The following MMUT variants were observed in gnomAD, a reference collection of about 807,000 sequenced individuals.
MMUT encodes the protein methylmalonyl-CoA mutase.
Under a neutral mutation model 79.9 loss-of-function variants are expected in MMUT, and 79 were observed. That is an observed-to-expected ratio of 0.99 (90% confidence interval 0.82 to 1.19). The LOEUF (loss-of-function observed/expected upper bound fraction) is 1.19. MMUT is among the 50% of genes most tolerant of loss of function. The probability of loss-of-function intolerance (pLI) is 0.00; values close to 1 mark genes in which losing one functional copy is unlikely to be tolerated. For missense variants in MMUT, 860 were observed against 917.2 expected, an observed-to-expected ratio of 0.94 and a Z score of 0.81; for synonymous variants, 273 against 295.7, an observed-to-expected ratio of 0.92 and a Z score of 0.79.
rs748997051 is a variant in MMUT at position 49,447,818 on chromosome 6, A to C, written c.1445-33T>G. On this transcript the variant is annotated intron_variant, in intron 7 of 12. Coordinates refer to ENST00000274813, the MANE Select transcript of MMUT (RefSeq NM_000255.4). ...TTTCCCAAAGAAAAATTTTATTCAC[A>C]AATAATTACCTAATTGTAATGCTCT... The C allele has an allele frequency of 4.3e-6, 5 of 1,169,836 alleles. No homozygotes were observed. The South Asian group carries it at 6.1e-5, about 14-fold the overall frequency. The allele number at this position is 1,169,836 out of a possible 1,614,324, so 72.5% of individuals were successfully genotyped here. A position where few individuals can be genotyped will look rare whatever the true frequency, so the allele number is the denominator to read the frequency against.
chr6:49,453,059 T>TTTTTG (rs398048522), intron 5 of MMUT, among the ~76,000 whole-genome samples: 8 of 138,982 alleles, frequency 5.8e-5, no homozygotes, highest in African/African-American at 1.1e-4. Context: ...TTTTTTTTTT[T>TTTTTG]AGACGTAGTT....
Position 49,459,252 on chromosome 6 carries a change from A to G in MMUT, c.215T>C (p.Leu72Ser), listed in dbSNP as rs753913987. ...GTCCATAGTATCTCTCTTGGAATAC[A>G]AGGGTTTTATAGAGATCCCTTCCGG... is the stretch of plus-strand genomic sequence containing the variant. Reference protein sequence around the residue: ...HTPEGISIKPLYSKRDTMDLP... With the variant: ...HTPEGISIKPSYSKRDTMDLP... Residue 72 changes from leucine to serine, a missense_variant, in exon 2 of 13, where the codon TTG (leucine) becomes TCG (serine). Transcript: ENST00000274813. The G allele has an allele frequency of 1.2e-6, 2 of 1,614,038 alleles. No homozygotes were observed. Among genetic ancestry groups the G allele is most frequent in the African/African-American group, 2.7e-5 (2 of 74,918 alleles).
Position 49,456,237 on chromosome 6 carries a change from G to A in MMUT, c.754C>T (p.His252Tyr), listed in dbSNP as rs796052010. 2 of 1,602,596 alleles carry A rather than the reference G, an allele frequency of 1.2e-6. No homozygotes were observed. Among genetic ancestry groups the A allele is most frequent in the Non-Finnish European group, 1.7e-6 (2 of 1,170,556 alleles). The change falls in exon 4 of 13, where the codon CAC becomes TAC. Residue 252 changes from histidine (H) to tyrosine (Y), a missense_variant and splice_region_variant. Coordinates refer to ENST00000274813, the MANE Select transcript of MMUT (RefSeq NM_000255.4). ...GAAATTGAATTAAATTTTGGCATGT[G>A]CTACATAAAAAAAAAAATTGTAACA... ...IADIFEYTAK[H>Y]MPKFNSISIS...
intron 6 of MMUT, among the ~76,000 whole-genome samples, chr6:49,449,170 G>C (rs1407129891): frequency 6.6e-6 from 1 of 151,870 alleles, no homozygotes; most frequent in African/African-American, 2.4e-5. Context: ...TTAAGTCTTG[G>C]GAGAAAATTA....
chr6:49,437,555 C>T (rs1430244793), intron 11 of MMUT, among the ~76,000 whole-genome samples: 1 of 152,082 alleles, frequency 6.6e-6, no homozygotes, highest in African/African-American at 2.4e-5. Flanking sequence ...ACAAATGAGA[C>T]ACCATTTCAC....
intron 12 of MMUT, among the ~76,000 whole-genome samples, chr6:49,432,588 C>T (rs2127412363): frequency 6.6e-6 from 1 of 152,220 alleles, no homozygotes; most frequent in East Asian, 1.9e-4. Context: ...AGGGTTTCAC[C>T]ACGTTAGCCA....
At chr6:49,444,894 G>T (rs973850437) in intron 8 of MMUT, 140 bp from the exon 9 acceptor site, 10 of 602,842 alleles carry the variant, frequency 1.7e-5, no homozygotes, top group Admixed American at 3.0e-5. Flanking sequence ...AAATTGAAAA[G>T]AATAATATAT....
intron 1 of MMUT, among the ~76,000 whole-genome samples, chr6:49,460,461 A>G (rs1035030826): frequency 7.2e-5 from 11 of 152,212 alleles, no homozygotes; most frequent in African/African-American, 2.7e-4. Context: ...AAACTGCTCC[A>G]ACATTAGAGC....
At chr6:49,435,904 A>G (rs1338694683) in intron 11 of MMUT, among the ~76,000 whole-genome samples, 1 of 152,224 alleles carries the variant, frequency 6.6e-6, no homozygotes, top group Non-Finnish European at 1.5e-5. Flanking sequence ...CAAAGGTCTA[A>G]TACCTGCATC....
chr6:49,433,468 T>A (rs79114016), intron 12 of MMUT, among the ~76,000 whole-genome samples: 2,920 of 152,342 alleles, frequency 0.019, 107 homozygotes, highest in African/African-American at 0.066. Flanking sequence ...GCAACTTATC[T>A]GTTAGTTTGA....
rs1766959634 is a variant in MMUT at position 49,431,076 on chromosome 6, T to C, written c.*652A>G. The C allele has an allele frequency of 2.6e-5, 4 of 152,234 alleles. No homozygotes were observed. The highest frequency in any genetic ancestry group is 9.6e-5 in the African/African-American group (4 of 41,454). The allele number at this position is 152,234 out of a possible 1,614,324, so 9.4% of individuals were successfully genotyped here. A position where few individuals can be genotyped will look rare whatever the true frequency, so the allele number is the denominator to read the frequency against. The stretch of plus-strand genomic sequence containing the variant: ...TCATCAACATCCACTCTCCTTGGTC[T>C]TGAGCCAAGCCCAGAAATAACAAGG... On this transcript the variant is annotated 3_prime_UTR_variant, in exon 13 of 13. Transcript: ENST00000274813.
chr6:49,439,609 A>C (rs192132294), intron 11 of MMUT, among the ~76,000 whole-genome samples: 1 of 152,274 alleles, frequency 6.6e-6, no homozygotes, highest in Admixed American at 6.5e-5. Context: ...CAAATGAGGA[A>C]TGTGTTGCTT....
chr6:49,442,515 T>C (rs1026362231), intron 9 of MMUT, among the ~76,000 whole-genome samples: 4 of 152,058 alleles, frequency 2.6e-5, no homozygotes, highest in Non-Finnish European at 4.4e-5. Context: ...ATGCAGATGA[T>C]AAATAACTAA....
In MMUT at chr6:49,463,100, C is replaced by G. The variant is rs1323046198; in HGVS notation, c.-40+3G>C. On this transcript the variant is annotated splice_donor_region_variant and intron_variant, in intron 1 of 12. Coordinates refer to ENST00000274813, the MANE Select transcript of MMUT (RefSeq NM_000255.4). ...CGATCTGAAAGGTGTACGTCCTACT[C>G]ACTGGTAGGCCTGTTTTGGACTCCG... The G allele has an allele frequency of 3.9e-5, 6 of 152,344 alleles. No individual in the cohort carries two copies. Among genetic ancestry groups the G allele is most frequent in the African/African-American group, 1.4e-4 (6 of 41,450 alleles). The allele number at this position is 152,344 out of a possible 1,614,324, so 9.4% of individuals were successfully genotyped here.
In MMUT at chr6:49,451,448, C is replaced by A. The variant is rs1363739405; in HGVS notation, c.1332+18G>T. 11 of 1,612,900 alleles carry A rather than the reference C, an allele frequency of 6.8e-6. No homozygotes were observed. The highest frequency in any genetic ancestry group is 9.3e-6 in the Non-Finnish European group (11 of 1,179,448). ...TCTGTAAATTCTGAAAACAAAGTTG[C>A]AAAGTGGAAAAACTTACCTTTAAAG... On this transcript the variant is annotated intron_variant, in intron 6 of 12. Transcript: ENST00000274813.
chr6:49,458,141 G>T (rs1252115555), intron 2 of MMUT, 83 bp from the exon 3 acceptor site: 2 of 1,373,176 alleles, frequency 1.5e-6, no homozygotes, highest in African/African-American at 1.4e-5. Context: ...TACTAAAAAT[G>T]TTGATTCATC....
chr6:49,444,014 A>T (rs978808268), intron 9 of MMUT, among the ~76,000 whole-genome samples: 1 of 152,194 alleles, frequency 6.6e-6, no homozygotes. Flanking sequence ...TCAGACAAAG[A>T]GGAGGTCTCT....
At chr6:49,453,263 C>T (rs772620537) in intron 5 of MMUT, among the ~76,000 whole-genome samples, 9 of 151,632 alleles carry the variant, frequency 5.9e-5, no homozygotes, top group Admixed American at 3.3e-4. Context: ...CTGGGTGCCT[C>T]GGCCTCCCAA....
chr6:49,440,626 T>C (rs1415226212), intron 10 of MMUT, among the ~76,000 whole-genome samples: 1 of 152,176 alleles, frequency 6.6e-6, no homozygotes, highest in East Asian at 1.9e-4. Context: ...TTAGCTATTC[T>C]TTGTGATGAT....
Sources: gnomAD v4.1 joint callset for allele counts (sites outside exome capture counted in the v4.1 genomes callset) on GRCh38, gnomAD v4.1.1 for gene constraint, MANE v1.5 for transcripts, NCBI Gene and HGNC (gene_info 2026-07-23, HGNC 2026-07-21) for gene names.